The following WASF3 variants were observed in gnomAD, a reference collection of about 807,000 sequenced individuals.
WASF3 encodes actin-binding protein WASF3.
WASF3 carries 11 observed loss-of-function variants against 46.6 expected under a neutral mutation model. The observed-to-expected ratio is 0.24, with a 90% CI of 0.15 to 0.39. The LOEUF is 0.39. WASF3 is among the 10% of genes least tolerant of loss of function. The pLI is 1.00. For missense variants in WASF3, 576 were observed against 669.8 expected (o/e 0.86, Z 1.55); for synonymous variants, 242 against 259.7 (o/e 0.93, Z 0.65).
chr13:26,585,221 A>G (rs1285131738), intron 1 of WASF3, among the ~76,000 whole-genome samples: 1 of 149,914 alleles, frequency 6.7e-6, no homozygotes, highest in Admixed American at 6.7e-5. Flanking sequence ...GGATAAAGGG[A>G]AATAAAAATG....
At chr13:26,598,458 G>A (rs891781478) in intron 1 of WASF3, among the ~76,000 whole-genome samples, 2 of 151,968 alleles carry the variant, frequency 1.3e-5, no homozygotes, top group African/African-American at 2.4e-5. Flanking sequence ...GAAGCTCTTC[G>A]GCCCGATGAT....
At chr13:26,644,472 G>A (rs1378941900) in intron 3 of WASF3, among the ~76,000 whole-genome samples, 1 of 152,156 alleles carries the variant, frequency 6.6e-6, no homozygotes, top group East Asian at 1.9e-4. Context: ...TCTGAGTTAC[G>A]CTACTGCAGT....
At chr13:26,573,750 A>C (rs542830035) in intron 1 of WASF3, among the ~76,000 whole-genome samples, 1 of 152,358 alleles carries the variant, frequency 6.6e-6, no homozygotes, top group South Asian at 2.1e-4. Flanking sequence ...GAATTTTCAC[A>C]AAATGAATTC....
chr13:26,555,411 C>T (rs1019892893), upstream of WASF3, among the ~76,000 whole-genome samples: 3 of 152,152 alleles, frequency 2.0e-5, no homozygotes, highest in South Asian at 6.2e-4. Flanking sequence ...TAACAAAACT[C>T]TAATATTCCT....
chr13:26,679,799 A>T lies in WASF3; in HGVS notation c.717-1255A>T, dbSNP rs1476547963. On this transcript the variant is annotated intron_variant, in intron 7 of 9. Coordinates refer to ENST00000335327, the MANE Select transcript of WASF3 (RefSeq NM_006646.6). This position sits in a 1 kb window ranked among gnomAD's most constrained non-coding sequence, Gnocchi z 4.8. ...AAGACATAATCAGAAGTGCACCATA[A>T]TCCAGAATTCATACTGCAATTAGGG... Among the ~76,000 whole-genome samples, 1 of 152,198 alleles carries T rather than the reference A, an allele frequency of 6.6e-6. No individual in the cohort carries two copies. Among genetic ancestry groups the T allele is most frequent in the Non-Finnish European group, 1.5e-5 (1 of 68,028 alleles).
At chr13:26,681,360 T>G in intron 8 of WASF3, 40 bp downstream of exon 8, 1 of 1,508,934 alleles carries the variant, frequency 6.6e-7, no homozygotes, top group South Asian at 1.3e-5. Context: ...CTCCTGGCCT[T>G]GCATTTGAAT....
In WASF3 at chr13:26,686,857, T is replaced by C. The variant is rs1451102239; in HGVS notation, c.*1012T>C. 2.6e-5 allele frequency: 4 copies of C among 152,260 alleles called. No individual in the cohort carries two copies. The highest frequency in any genetic ancestry group is 4.4e-5 in the Non-Finnish European group (3 of 68,052). The allele number at this position is 152,260 out of a possible 1,614,324, so 9.4% of individuals were successfully genotyped here. ...CACCTTTCACCACTTGGTCAGAATTTTAAAAGCTTAGGTTTAGGTGAAAGT... is the reference window on the plus strand; with the variant it reads ...CACCTTTCACCACTTGGTCAGAATTCTAAAAGCTTAGGTTTAGGTGAAAGT... On this transcript the variant is annotated 3_prime_UTR_variant, in exon 10 of 10. Transcript: ENST00000335327.
At chr13:26,549,499 C>T in the WASF3 span, among the ~76,000 whole-genome samples, 1 of 152,110 alleles carries the variant, frequency 6.6e-6, no homozygotes, top group Non-Finnish European at 1.5e-5. Flanking sequence ...GTGGACCTAA[C>T]ATGGGGATCA....
intron 1 of WASF3, among the ~76,000 whole-genome samples, chr13:26,601,682 T>C (rs1260678703): frequency 6.6e-6 from 1 of 152,278 alleles, no homozygotes; most frequent in Admixed American, 6.5e-5. Flanking sequence ...TCTACATTCC[T>C]GTACCCTTTC....
intron 1 of WASF3, among the ~76,000 whole-genome samples, chr13:26,584,799 T>G (rs1184582763): frequency 6.6e-6 from 1 of 152,256 alleles, no homozygotes; most frequent in Non-Finnish European, 1.5e-5. Flanking sequence ...ACAAGCAGTT[T>G]TGGAATTTCT....
intron 9 of WASF3, 73 bp from the exon 10 acceptor site, chr13:26,685,615 C>T (rs960752353): frequency 9.6e-6 from 15 of 1,568,536 alleles, no homozygotes; most frequent in Admixed American, 6.9e-5. Flanking sequence ...GTCCAATAGA[C>T]ATATTTGTTC....
chr13:26,662,029 G>A (rs1224644269), intron 3 of WASF3, among the ~76,000 whole-genome samples: 3 of 152,342 alleles, frequency 2.0e-5, no homozygotes, highest in East Asian at 3.9e-4. Context: ...GAAGCACAGA[G>A]TGTGAGGAAG....
At position 26,607,523 on chromosome 13, in the gene WASF3, C is replaced by G. The variant is rs76141094; in HGVS notation, c.-108-5438C>G. On this transcript the variant is annotated intron_variant, in intron 1 of 9. Transcript: ENST00000335327. ...CAGGGTTAAAACAGAGGAAACTTTT[C>G]TTATTATCCCAGCTCAGGTAAACTG... Among the ~76,000 whole-genome samples the G allele has an allele frequency of 5.7e-3, 861 of 152,242 alleles. 10 individuals carry two copies. The highest frequency in any genetic ancestry group is 0.02 in the African/African-American group (819 of 41,554).
At chr13:26,678,544 T>A (rs911125065) in intron 7 of WASF3, among the ~76,000 whole-genome samples, 11 of 152,168 alleles carry the variant, frequency 7.2e-5, no homozygotes, top group Non-Finnish European at 1.3e-4. Context: ...TTTTAATGAT[T>A]GTATCCGCTC....
chr13:26,604,278 G>A (rs1880728131), intron 1 of WASF3, among the ~76,000 whole-genome samples: 1 of 152,218 alleles, frequency 6.6e-6, no homozygotes, highest in Admixed American at 6.5e-5. Flanking sequence ...AAATGGCACT[G>A]TGGATTCAGA....
the WASF3 span, among the ~76,000 whole-genome samples, chr13:26,543,369 T>A: frequency 1.3e-5 from 2 of 152,222 alleles, no homozygotes; most frequent in Non-Finnish European, 2.9e-5. Context: ...TCCTTGGGAA[T>A]GAAAATCTAT....
At chr13:26,669,679 A>G (rs1465065386) in intron 5 of WASF3, among the ~76,000 whole-genome samples, 1 of 152,020 alleles carries the variant, frequency 6.6e-6, no homozygotes, top group Non-Finnish European at 1.5e-5. Context: ...AAGCCTGGCT[A>G]ATTTTTGTAT....
intron 2 of WASF3, among the ~76,000 whole-genome samples, chr13:26,637,418 A>T (rs1431530296): frequency 1.3e-5 from 2 of 152,036 alleles, no homozygotes; most frequent in East Asian, 1.9e-4. Flanking sequence ...CTTGGCTGAG[A>T]TTTAAACATT....
intron 2 of WASF3, among the ~76,000 whole-genome samples, chr13:26,634,427 T>C (rs1385818670): frequency 3.3e-5 from 5 of 152,244 alleles, no homozygotes; most frequent in African/African-American, 1.2e-4. Context: ...TGATGGGTCT[T>C]GACTTTTTAT....
Sources: gnomAD v4.1 joint callset for allele counts (sites outside exome capture counted in the v4.1 genomes callset) on GRCh38, gnomAD v4.1.1 for gene constraint, Gnocchi (gnomAD v3.1) non-coding constraint, MANE v1.5 for transcripts, NCBI Gene and HGNC (gene_info 2026-07-23, HGNC 2026-07-21) for gene names.